Variants in SVIL observed in about 807,000 individuals in gnomAD.
SVIL encodes archvillin.
Under a neutral mutation model 240.4 loss-of-function variants are expected in SVIL, and 101 were observed. That is an observed-to-expected ratio of 0.42 (90% confidence interval 0.36 to 0.50). The LOEUF (loss-of-function observed/expected upper bound fraction) is 0.50, where lower values mean the gene tolerates loss of function less well. Among genes scored for constraint, SVIL ranks in the 20% least tolerant of loss-of-function variants. SVIL has a pLI of 0.01. For missense variants in SVIL, 2,512 were observed against 2,818.7 expected (o/e 0.89, Z 2.46); for synonymous variants, 999 against 1,100.0 (o/e 0.91, Z 1.82).
At chr10:29,467,138 T>C (rs1945022650) in intron 33 of SVIL, 1 of 152,268 alleles carries the variant, frequency 6.6e-6, no homozygotes, top group Admixed American at 6.5e-5. Context: ...TTCATCTGTA[T>C]TTTTAGAACA....
chr10:29,597,437 T>C (rs1427463762), intron 1 of SVIL, among the ~76,000 whole-genome samples: 5 of 152,140 alleles, frequency 3.3e-5, no homozygotes, highest in African/African-American at 1.2e-4. Flanking sequence ...TTTTTATTTT[T>C]GAGAGGGAGT....
intron 1 of SVIL, among the ~76,000 whole-genome samples, chr10:29,583,733 T>C (rs548655425): frequency 6.6e-6 from 1 of 152,222 alleles, no homozygotes; most frequent in Non-Finnish European, 1.5e-5. Context: ...GCTTTCTTCA[T>C]GGTCATATTA....
At chr10:29,673,740 T>C (rs1273900917) in intron 2 of SVIL, among the ~76,000 whole-genome samples, 5 of 152,222 alleles carry the variant, frequency 3.3e-5, no homozygotes, top group East Asian at 3.9e-4. Flanking sequence ...GGTCCCTCCC[T>C]CGATGTGTGG....
intron 2 of SVIL, among the ~76,000 whole-genome samples, chr10:29,676,249 G>A (rs1400829861): frequency 2.0e-5 from 3 of 152,164 alleles, no homozygotes; most frequent in Admixed American, 2.0e-4. Flanking sequence ...CTCAGTGATT[G>A]GCTTTCTGTG....
rs1189468135 is a variant in SVIL, at chr10:29,493,521, G to A, written c.3842-130C>T. On this transcript the variant is annotated intron_variant, in intron 20 of 37. Coordinates refer to ENST00000355867, the MANE Select transcript of SVIL (RefSeq NM_021738.3). Reference sequence around the variant, plus strand: ...GGAAGAAACACGGTTGTGATATACAGGGTCCTGTGGTTGCTTCCCAGGCCC... The same window carrying A: ...GGAAGAAACACGGTTGTGATATACAAGGTCCTGTGGTTGCTTCCCAGGCCC... 18 of 1,004,922 alleles carry A rather than the reference G, an allele frequency of 1.8e-5. No individual in the cohort carries two copies. In the South Asian group the frequency reaches 2.0e-4, roughly 11 times the overall value. The allele number at this position is 1,004,922 out of a possible 1,614,324, so 62.3% of individuals were successfully genotyped here.
chr10:29,708,552 C>G (rs1016152927), intron 1 of SVIL, among the ~76,000 whole-genome samples: 1 of 151,986 alleles, frequency 6.6e-6, no homozygotes, highest in Admixed American at 6.6e-5. Context: ...ACCTGGGAGG[C>G]AGAGGTTGCA....
rs751820955 is a variant in SVIL, at chr10:29,458,482, C to A, written c.6510G>T (p.Gly2170=). The change falls in exon 37 of 38, where the codon GGG becomes GGT. Residue 2170 remains glycine, a synonymous_variant. Coordinates refer to ENST00000355867, the MANE Select transcript of SVIL (RefSeq NM_021738.3). ...ADLLARPLPE[G]VDPLKLEIYL... ...AGATCTCAAGCTTCAGAGGATCGACCCCCTCCGGGAGTGGCCTGGCCAGGA... is the reference window on the plus strand; with the variant it reads ...AGATCTCAAGCTTCAGAGGATCGACACCCTCCGGGAGTGGCCTGGCCAGGA... 2.5e-6 allele frequency: 4 copies of A among 1,581,580 alleles called. No individual in the cohort carries two copies. The highest frequency in any genetic ancestry group is 3.6e-5 in the Admixed American group (2 of 55,824).
chr10:29,638,376 G>C (rs1166684069), upstream of SVIL, among the ~76,000 whole-genome samples: 1 of 151,956 alleles, frequency 6.6e-6, no homozygotes, highest in Admixed American at 6.6e-5. Flanking sequence ...TGAGGCAGGA[G>C]AATTGCTTGA....
intron 17 of SVIL, among the ~76,000 whole-genome samples, chr10:29,509,605 T>C (rs1387159200): frequency 6.6e-6 from 1 of 152,088 alleles, no homozygotes; most frequent in Non-Finnish European, 1.5e-5. Flanking sequence ...TTCCAGCACT[T>C]TGGGAGGCCG....
At chr10:29,501,715 G>A (rs1483926881) in intron 17 of SVIL, among the ~76,000 whole-genome samples, 8 of 152,194 alleles carry the variant, frequency 5.3e-5, no homozygotes, top group East Asian at 3.9e-4. Context: ...TCACTTGCCC[G>A]AAAGACCTCA....
At chr10:29,590,035 C>T (rs1045520923) in intron 1 of SVIL, among the ~76,000 whole-genome samples, 8 of 151,682 alleles carry the variant, frequency 5.3e-5, no homozygotes, top group African/African-American at 1.2e-4. Context: ...GGTGTGGTGG[C>T]ATGTGCCTGT....
chr10:29,693,251 C>T (rs1961652332), intron 1 of SVIL, among the ~76,000 whole-genome samples: 3 of 144,466 alleles, frequency 2.1e-5, no homozygotes, highest in South Asian at 2.1e-4. Flanking sequence ...CAGGGTGGCC[C>T]GAATCCATAA....
At chr10:29,498,976 G>T (rs1406330823) in intron 18 of SVIL, 140 bp downstream of exon 18, 3 of 1,255,824 alleles carry the variant, frequency 2.4e-6, no homozygotes, top group African/African-American at 1.5e-5. Flanking sequence ...GCAAGACCCT[G>T]TCTCTTAGAA....
intron 1 of SVIL, among the ~76,000 whole-genome samples, chr10:29,599,384 C>T (rs1158258298): frequency 2.1e-5 from 3 of 143,072 alleles, no homozygotes; most frequent in Non-Finnish European, 4.8e-5. Context: ...TATTTGCCCT[C>T]CATTTTTTTT....
intron 1 of SVIL, among the ~76,000 whole-genome samples, chr10:29,588,917 C>A (rs1196719998): frequency 1.3e-5 from 2 of 152,102 alleles, no homozygotes; most frequent in Non-Finnish European, 2.9e-5. Context: ...TCCCCCACCC[C>A]CCCTTTTATT....
Position 29,486,447 on chromosome 10 carries a change from G to A in SVIL, c.4596C>T (p.Asp1532=). The A allele has an allele frequency of 3.1e-6, 5 of 1,614,214 alleles. No homozygotes were observed. Among genetic ancestry groups the A allele is most frequent in the Non-Finnish European group, 4.2e-6 (5 of 1,180,044 alleles). The change falls in exon 25 of 38, where the codon GAC becomes GAT. Residue 1532 remains aspartate (D), a synonymous_variant. Coordinates refer to ENST00000355867, the MANE Select transcript of SVIL (RefSeq NM_021738.3). ...TTTGGCCACCCAGAAGCTTCCAGAA[G>A]TCTTTGGCTGCATGAGTGTGTGTAT... is the stretch of plus-strand genomic sequence containing the variant. ...GINTHTHAAK[D]FWKLLGGQTS...
chr10:29,533,482 A>C, intron 7 of SVIL, 24 bp from the exon 8 acceptor site: 1 of 1,599,478 alleles, frequency 6.3e-7, no homozygotes, highest in Non-Finnish European at 8.5e-7. Flanking sequence ...AAAGGATTTA[A>C]GTTGCAAAGT....
At chr10:29,553,922 G>A (rs1473316458) in intron 5 of SVIL, among the ~76,000 whole-genome samples, 1 of 152,174 alleles carries the variant, frequency 6.6e-6, no homozygotes, top group African/African-American at 2.4e-5. Context: ...TCCCTGTACT[G>A]GGGTAGAACC....
intron 2 of SVIL, among the ~76,000 whole-genome samples, chr10:29,683,605 A>G (rs1378048718): frequency 1.3e-5 from 2 of 152,214 alleles, no homozygotes; most frequent in East Asian, 3.8e-4. Flanking sequence ...TTTTTGGTTT[A>G]CACAGGCTTA....
Sources: allele counts gnomAD v4.1 joint callset (sites outside exome capture counted in the v4.1 genomes callset), GRCh38; gene constraint gnomAD v4.1.1; transcripts MANE v1.5; gene names NCBI Gene and HGNC (gene_info 2026-07-23, HGNC 2026-07-21).